MECOM: variants seen among roughly 807,000 people sequenced by gnomAD.
MECOM encodes the protein MDS1 and EVI1 complex locus.
MECOM carries 13 observed loss-of-function variants against 116.3 expected under a neutral mutation model. That is an observed-to-expected ratio of 0.11 (90% CI 0.07 to 0.18). MECOM has a LOEUF of 0.18. Ranked by LOEUF, MECOM falls within the 10% of genes least tolerant of loss-of-function variation. The probability of loss-of-function intolerance (pLI) is 1.00; values close to 1 mark genes in which losing one functional copy is unlikely to be tolerated. For synonymous variants in MECOM, 528 were observed against 535.2 expected, an observed-to-expected ratio of 0.99 and a Z score of 0.19; for missense variants, 1,299 against 1,509.0, an observed-to-expected ratio of 0.86 and a Z score of 2.31.
intron 1 of MECOM, among the ~76,000 whole-genome samples, chr3:169,634,096 C>T (rs1772430617): frequency 6.6e-6 from 1 of 152,082 alleles, no homozygotes; most frequent in Admixed American, 6.5e-5. Context: ...CACTGAGATG[C>T]TCCTGAACCA....
At chr3:169,333,319 T>G (rs1174289477) in intron 2 of MECOM, among the ~76,000 whole-genome samples, 1 of 152,164 alleles carries the variant, frequency 6.6e-6, no homozygotes, top group Non-Finnish European at 1.5e-5. Flanking sequence ...CAAATAGCTG[T>G]GATTGGCCAA....
chr3:169,539,619 C>T (rs1247725025), intron 1 of MECOM, among the ~76,000 whole-genome samples: 4 of 152,212 alleles, frequency 2.6e-5, no homozygotes, highest in Non-Finnish European at 5.9e-5. Flanking sequence ...TTTCCATTTC[C>T]ACTATCCCCA....
intron 7 of MECOM, among the ~76,000 whole-genome samples, chr3:169,117,520 T>C (rs1345240467): frequency 6.6e-6 from 1 of 152,210 alleles, no homozygotes; most frequent in Non-Finnish European, 1.5e-5. Context: ...TGTGCTAACC[T>C]TCCTGCATTT....
intron 2 of MECOM, among the ~76,000 whole-genome samples, chr3:169,159,376 A>G (rs989242566): frequency 3.3e-5 from 5 of 152,046 alleles, no homozygotes; most frequent in Non-Finnish European, 7.4e-5. Flanking sequence ...TGACCAACAT[A>G]GTGAAACCCT....
intron 2 of MECOM, among the ~76,000 whole-genome samples, chr3:169,252,026 CTG>C (rs946533045): frequency 2.6e-5 from 4 of 152,026 alleles, no homozygotes; most frequent in Admixed American, 1.3e-4. Flanking sequence ...TTTATATAAA[CTG>C]TTTTTGATCA....
intron 1 of MECOM, among the ~76,000 whole-genome samples, chr3:169,542,832 A>G (rs1760260737): frequency 6.6e-6 from 1 of 152,206 alleles, no homozygotes; most frequent in African/African-American, 2.4e-5. Context: ...ATCATTAATG[A>G]TCTGTTTTTA....
At chr3:169,653,016 A>AG (rs1775102790) in intron 1 of MECOM, among the ~76,000 whole-genome samples, 1 of 152,098 alleles carries the variant, frequency 6.6e-6, no homozygotes, top group South Asian at 2.1e-4. Flanking sequence ...ACAATTTGTG[A>AG]TTTAAGTGAG....
chr3:169,520,444 G>A (rs545996848), intron 1 of MECOM, among the ~76,000 whole-genome samples: 1 of 152,222 alleles, frequency 6.6e-6, no homozygotes, highest in South Asian at 2.1e-4. Context: ...ATTTTCTTGA[G>A]CCACATCCTC....
chr3:169,639,849 A>C (rs1773244647), intron 1 of MECOM, among the ~76,000 whole-genome samples: 1 of 152,248 alleles, frequency 6.6e-6, no homozygotes, highest in Non-Finnish European at 1.5e-5. Flanking sequence ...GAATAGGTTA[A>C]GTTATGCTTC....
intron 1 of MECOM, among the ~76,000 whole-genome samples, chr3:169,584,592 G>T (rs1006326592): frequency 6.6e-6 from 1 of 150,408 alleles, no homozygotes; most frequent in Non-Finnish European, 1.5e-5. Flanking sequence ...AATTACAGAA[G>T]AAAATGAAGA....
chr3:169,269,561 T>C (rs982592071), intron 2 of MECOM, among the ~76,000 whole-genome samples: 2 of 152,222 alleles, frequency 1.3e-5, no homozygotes, highest in African/African-American at 4.8e-5. Context: ...AGGTTTGCCA[T>C]GGCAGAAAAT....
At chr3:169,527,828 G>A (rs929170531) in intron 1 of MECOM, among the ~76,000 whole-genome samples, 1 of 152,050 alleles carries the variant, frequency 6.6e-6, no homozygotes, top group African/African-American at 2.4e-5. Flanking sequence ...AGAAAGCAAG[G>A]AAAAAACACA....
intron 2 of MECOM, among the ~76,000 whole-genome samples, chr3:169,276,047 T>C (rs1759531517): frequency 6.6e-6 from 1 of 152,166 alleles, no homozygotes. Context: ...GTCACTTGAA[T>C]ATATTTAGCA....
chr3:169,466,746 C>A (rs531726094), intron 1 of MECOM, among the ~76,000 whole-genome samples: 56 of 152,128 alleles, frequency 3.7e-4, no homozygotes, highest in African/African-American at 1.3e-3. Context: ...GAGAGAGATT[C>A]TGGTAATAGG....
intron 2 of MECOM, among the ~76,000 whole-genome samples, chr3:169,307,370 C>T (rs1321595148): frequency 6.6e-6 from 1 of 151,998 alleles, no homozygotes; most frequent in Non-Finnish European, 1.5e-5. Context: ...TCACTTGAAC[C>T]CAGGAATTTG....
At chr3:169,359,961 A>C (rs1408575547) in intron 2 of MECOM, among the ~76,000 whole-genome samples, 1 of 151,746 alleles carries the variant, frequency 6.6e-6, no homozygotes, top group African/African-American at 2.4e-5. Context: ...ATTAACATTC[A>C]GTCTTAATGG....
At chr3:169,474,079 C>T (rs552172314) in intron 1 of MECOM, among the ~76,000 whole-genome samples, 1 of 152,258 alleles carries the variant, frequency 6.6e-6, no homozygotes, top group African/African-American at 2.4e-5. Context: ...ACAATTTAGT[C>T]AGTCACCACG....
At chr3:169,107,709 G>T (rs952160187) in intron 10 of MECOM, among the ~76,000 whole-genome samples, 2 of 152,124 alleles carry the variant, frequency 1.3e-5, no homozygotes, top group Admixed American at 1.3e-4. Context: ...CAGATTTATC[G>T]AATAAAATCA....
At chr3:169,374,386 C>T (rs1730666367) in intron 2 of MECOM, among the ~76,000 whole-genome samples, 1 of 151,936 alleles carries the variant, frequency 6.6e-6, no homozygotes, top group Non-Finnish European at 1.5e-5. Context: ...CTGACTAATA[C>T]AGTCTGCTTA....
Sources: gnomAD v4.1 joint callset for allele counts (sites outside exome capture counted in the v4.1 genomes callset) on GRCh38, gnomAD v4.1.1 for gene constraint, MANE v1.5 for transcripts, NCBI Gene and HGNC (gene_info 2026-07-23, HGNC 2026-07-21) for gene names.